The following LHPP variants were observed in gnomAD, a reference collection of about 807,000 sequenced individuals.
The protein encoded by LHPP is phospholysine phosphohistidine inorganic pyrophosphate phosphatase, also known as hLHPP.
In LHPP, 24 loss-of-function variants were observed where a neutral mutation model predicts 30.3. The ratio of observed to expected loss-of-function variants is 0.79; its 90% CI spans 0.57 to 1.11. The LOEUF (loss-of-function observed/expected upper bound fraction) is 1.11. Ranked by LOEUF, LHPP falls within the 50% of genes most tolerant of loss-of-function variation. The pLI, the probability that LHPP is intolerant of heterozygous loss-of-function variation, is 0.00. For missense variants in LHPP, 356 were observed against 367.2 expected (o/e 0.97, Z 0.25); for synonymous variants, 150 against 157.1 (o/e 0.95, Z 0.34).
chr10:124,512,704 C>T (rs1032263125), intron 5 of LHPP, among the ~76,000 whole-genome samples: 24 of 150,400 alleles, frequency 1.6e-4, no homozygotes, highest in Non-Finnish European at 2.5e-4. Context: ...TTCCTTTAAA[C>T]GCCACACCTG....
At chr10:124,497,745 C>T (rs1419948430) in intron 4 of LHPP, among the ~76,000 whole-genome samples, 2 of 152,208 alleles carry the variant, frequency 1.3e-5, no homozygotes, top group African/African-American at 2.4e-5. Context: ...GAGCACTGCT[C>T]TGCTGGCCCT....
chr10:124,572,451 T>C (rs1367623377), intron 6 of LHPP, among the ~76,000 whole-genome samples: 1 of 152,026 alleles, frequency 6.6e-6, no homozygotes, highest in African/African-American at 2.4e-5. Flanking sequence ...GCCAATATGC[T>C]GAAACCCTGT....
Position 124,482,385 on chromosome 10 carries a change from G to C in LHPP, c.126-1754G>C, listed in dbSNP as rs549212914. On this transcript the variant is annotated intron_variant, in intron 1 of 6. Transcript: ENST00000368842. ...GAGATCAGTGGAATGTGTGTGTTTC[G>C]GGACCTGTCTGAGAACAGTGCCAGA... 6.6e-5 allele frequency among the ~76,000 whole-genome samples: 10 copies of C among 152,284 alleles called. 1 individual carries two copies. The South Asian group carries it at 2.1e-3, about 32-fold the overall frequency.
At chr10:124,481,875 C>G (rs888748058) in intron 1 of LHPP, among the ~76,000 whole-genome samples, 8 of 152,328 alleles carry the variant, frequency 5.3e-5, no homozygotes, top group African/African-American at 1.7e-4. Flanking sequence ...CTCAGGTCTC[C>G]AGTTGGGCCT....
intron 6 of LHPP, among the ~76,000 whole-genome samples, chr10:124,544,849 C>T (rs67319346): frequency 0.072 from 10,903 of 152,210 alleles, 724 homozygotes; most frequent in African/African-American, 0.18. Context: ...CTGGTGCAGA[C>T]ACCATCACGT....
chr10:124,498,884 T>A (rs1337163514), intron 5 of LHPP: 54 of 166,254 alleles, frequency 3.2e-4, no homozygotes, highest in Admixed American at 1.1e-3. Context: ...CTGGCAAACT[T>A]TTTTTTTTTT....
At position 124,470,391 on chromosome 10, in the gene LHPP, G is replaced by T. The variant is rs61861921; in HGVS notation, c.125+8404G>T. On this transcript the variant is annotated intron_variant, in intron 1 of 6. Transcript: ENST00000368842. ...ATTCCCACCCAGGACCGCCCCGATCGATCGGCCTGGTGCTGTGGAGCCAGG... is the reference window on the plus strand; with the variant it reads ...ATTCCCACCCAGGACCGCCCCGATCTATCGGCCTGGTGCTGTGGAGCCAGG... Among the ~76,000 whole-genome samples the T allele has an allele frequency of 3.1e-3, 472 of 152,160 alleles. 4 individuals carry two copies. Among genetic ancestry groups the T allele is most frequent in the Middle Eastern group, 0.017 (5 of 294 alleles).
In LHPP at chr10:124,611,977, C is replaced by G. The variant is rs577045495; in HGVS notation, c.717-1287C>G. On this transcript the variant is annotated intron_variant, in intron 6 of 6. Transcript: ENST00000368842. The stretch of plus-strand genomic sequence containing the variant: ...TAGTGGTAGGTTTGCAGACGGGCCG[C>G]TCCCCACTTCCTGCCAAGCTCCAGC... Among the ~76,000 whole-genome samples the G allele has an allele frequency of 6.6e-4, 100 of 152,318 alleles. 1 individual carries two copies. The South Asian group carries it at 0.02, about 30-fold the overall frequency.
chr10:124,586,500 GAC>G (rs1287115209), intron 6 of LHPP, among the ~76,000 whole-genome samples: 2 of 152,228 alleles, frequency 1.3e-5, no homozygotes, highest in African/African-American at 4.8e-5. Flanking sequence ...TTGTGGGGAA[GAC>G]ACAAACTCAG....
intron 6 of LHPP, among the ~76,000 whole-genome samples, chr10:124,605,042 C>T (rs1250989537): frequency 6.6e-6 from 1 of 152,258 alleles, no homozygotes; most frequent in African/African-American, 2.4e-5. Flanking sequence ...TGCGTGTGCC[C>T]TGGAGGAGGC....
chr10:124,470,376 A>G (rs1952691946), intron 1 of LHPP, among the ~76,000 whole-genome samples: 1 of 147,744 alleles, frequency 6.8e-6, no homozygotes, highest in Non-Finnish European at 1.5e-5. Context: ...ATTCCCACCC[A>G]GGACCGCCCC....
chr10:124,465,335 C>T (rs1352750504), intron 1 of LHPP, among the ~76,000 whole-genome samples: 1 of 152,044 alleles, frequency 6.6e-6, no homozygotes, highest in African/African-American at 2.4e-5. Context: ...GGTGTCCGGA[C>T]TTTATCCTGA....
chr10:124,502,697 G>T, intron 5 of LHPP, among the ~76,000 whole-genome samples: 1 of 103,690 alleles, frequency 9.6e-6, no homozygotes, highest in African/African-American at 4.1e-5. Flanking sequence ...TTTTTGAGCA[G>T]GAATCTCATC....
chr10:124,514,336 C>T (rs1261354075), intron 5 of LHPP, among the ~76,000 whole-genome samples: 1 of 152,214 alleles, frequency 6.6e-6, no homozygotes, highest in African/African-American at 2.4e-5. Context: ...GTCATTTTCC[C>T]TTCGCCCAAA....
At chr10:124,462,633 A>T (rs1446022096) in intron 1 of LHPP, among the ~76,000 whole-genome samples, 1 of 152,210 alleles carries the variant, frequency 6.6e-6, no homozygotes, top group Non-Finnish European at 1.5e-5. Context: ...CGTGAGTAAA[A>T]TGTAAAATAA....
intron 6 of LHPP, among the ~76,000 whole-genome samples, chr10:124,538,118 A>C (rs1020027111): frequency 5.3e-5 from 8 of 151,312 alleles, no homozygotes; most frequent in African/African-American, 1.9e-4. Context: ...GAGTCTCACC[A>C]TGCAGGGTCA....
chr10:124,513,462 C>CTTTTTTTTTCTTTAAAATTATTATTACT (rs1954364167), intron 5 of LHPP, among the ~76,000 whole-genome samples: 1 of 92,218 alleles, frequency 1.1e-5, no homozygotes, highest in Non-Finnish European at 1.9e-5. Flanking sequence ...ATTATTATTA[C>CTTTTTTTTTCTTTAAAATTATTATTACT]TTTTTTTTTT....
In LHPP at chr10:124,598,200, T is replaced by C. The variant is rs1948974967; in HGVS notation, c.717-15064T>C. Among the ~76,000 whole-genome samples the C allele has an allele frequency of 2.6e-5, 4 of 152,220 alleles. No homozygotes were observed. In the South Asian group the frequency reaches 6.2e-4, roughly 24 times the overall value. The stretch of plus-strand genomic sequence containing the variant: ...AGGTCCCCAGTGGGAGGACTCTCAA[T>C]GATTGGCACTGCCAGGAGTAATGTT... On this transcript the variant is annotated intron_variant, in intron 6 of 6. Coordinates refer to ENST00000368842, the MANE Select transcript of LHPP (RefSeq NM_022126.4).
chr10:124,565,415 G>A (rs1202465916), intron 6 of LHPP, among the ~76,000 whole-genome samples: 1 of 152,208 alleles, frequency 6.6e-6, no homozygotes, highest in Non-Finnish European at 1.5e-5. Context: ...GAATTCACTT[G>A]TGAGCCTCTG....
Sources: allele counts gnomAD v4.1 joint callset (sites outside exome capture counted in the v4.1 genomes callset), GRCh38; gene constraint gnomAD v4.1.1; transcripts MANE v1.5; gene names NCBI Gene and HGNC (gene_info 2026-07-23, HGNC 2026-07-21).